The following FGFR2 variants were observed in gnomAD, a reference collection of about 807,000 sequenced individuals.
FGFR2 encodes fibroblast growth factor receptor 2, also known as BEK fibroblast growth factor receptor.
Under a neutral mutation model 95.9 loss-of-function variants are expected in FGFR2, and 19 were observed. The observed-to-expected ratio is 0.20, with a 90% CI of 0.14 to 0.29. FGFR2 has a LOEUF of 0.29. FGFR2 is among the 10% of genes least tolerant of loss of function. The pLI is 1.00. For missense variants in FGFR2, 707 were observed against 1,056.9 expected, an observed-to-expected ratio of 0.67 and a Z score of 4.59; for synonymous variants, 392 against 393.3, an observed-to-expected ratio of 1.00 and a Z score of 0.04.
Position 121,479,978 on chromosome 10 carries a change from C to G in FGFR2, c.2345G>C (p.Ser782Thr), listed in dbSNP as rs2133684009. 6.2e-7 allele frequency: 1 copy of G among 1,614,156 alleles called. No homozygotes were observed. Among genetic ancestry groups the G allele is most frequent in the Non-Finnish European group, 8.5e-7 (1 of 1,180,046 alleles). Residue 782 changes from serine to threonine, a missense_variant, in exon 18 of 18, where the codon AGT becomes ACT. Ser to Thr is a moderately conservative substitution (Grantham distance 58, BLOSUM62 1). This residue lies in a region of FGFR2 where 51 missense variants were observed against 50.2 expected (regional missense o/e 1.01). Coordinates refer to ENST00000358487, the MANE Select transcript of FGFR2 (RefSeq NM_000141.5). ...LSQPLEQYSP[S>T]YPDTRSSCSS... The stretch of plus-strand genomic sequence containing the variant: ...ACAAGAACTTCTTGTGTCAGGGTAA[C>G]TAGGTGAATACTGTTCGAGAGGTTG...
intron 12 of FGFR2, among the ~76,000 whole-genome samples, chr10:121,497,003 C>A (rs1014394041): frequency 5.9e-5 from 9 of 151,302 alleles, no homozygotes; most frequent in African/African-American, 2.2e-4. Flanking sequence ...TGGTGACACA[C>A]ACCTATAGTC....
rs1054236190 is a variant in FGFR2 at position 121,531,846 on chromosome 10, A to G, written c.748+6746T>C. On this transcript the variant is annotated intron_variant, in intron 6 of 17. Coordinates refer to ENST00000358487, the MANE Select transcript of FGFR2 (RefSeq NM_000141.5). The surrounding 1 kb of genome is among the most constrained non-coding windows in gnomAD (Gnocchi z 4.5). ...GGGTTGTCTGTGACAGCGATGGTTTATAAGAACAGGATGAGATGGCTGCTG... is the reference window on the plus strand; with the variant it reads ...GGGTTGTCTGTGACAGCGATGGTTTGTAAGAACAGGATGAGATGGCTGCTG... Among the ~76,000 whole-genome samples the G allele has an allele frequency of 3.9e-5, 6 of 152,204 alleles. No individual in the cohort carries two copies. Among genetic ancestry groups the G allele is most frequent in the Non-Finnish European group, 8.8e-5 (6 of 68,034 alleles).
At chr10:121,494,772 G>T (rs1846557964) in intron 13 of FGFR2, among the ~76,000 whole-genome samples, 1 of 152,120 alleles carries the variant, frequency 6.6e-6, no homozygotes, top group Non-Finnish European at 1.5e-5. Flanking sequence ...AAACTGAGCT[G>T]CAGGCATCAC....
At chr10:121,498,118 C>T (rs1847119663) in intron 12 of FGFR2, among the ~76,000 whole-genome samples, 1 of 152,214 alleles carries the variant, frequency 6.6e-6, no homozygotes, top group African/African-American at 2.4e-5. Context: ...TCTTCAATCC[C>T]TGTTTTAAGG....
intron 4 of FGFR2, among the ~76,000 whole-genome samples, chr10:121,559,977 C>T (rs1856715217): frequency 6.6e-6 from 1 of 152,180 alleles, no homozygotes; most frequent in South Asian, 2.1e-4. Flanking sequence ...CAACGCAGTT[C>T]CCCAGGCATC....
At chr10:121,522,170 A>C (rs2068203504) in intron 6 of FGFR2, among the ~76,000 whole-genome samples, 1 of 152,192 alleles carries the variant, frequency 6.6e-6, no homozygotes, top group Non-Finnish European at 1.5e-5. Flanking sequence ...AAGAGGCATA[A>C]AGTTTCAGTA....
rs1374607221 is a variant in FGFR2 at position 121,479,313 on chromosome 10, G to C, written c.*544C>G. 1 of 260,416 alleles carries C rather than the reference G, an allele frequency of 3.8e-6. No homozygotes were observed. Among genetic ancestry groups the C allele is most frequent in the African/African-American group, 2.2e-5 (1 of 45,828 alleles). 16.1% of individuals were successfully genotyped at this position (260,416 alleles called of 1,614,324 possible). On this transcript the variant is annotated 3_prime_UTR_variant, in exon 18 of 18. Coordinates refer to ENST00000358487, the MANE Select transcript of FGFR2 (RefSeq NM_000141.5). ...TCCACCTCTGCTCGGTGAAAATTAAGAAATTATGTGTAAGAACAGCATTTA... is the reference window on the plus strand; with the variant it reads ...TCCACCTCTGCTCGGTGAAAATTAACAAATTATGTGTAAGAACAGCATTTA...
At chr10:121,489,102 T>TG (rs1208496399) in intron 13 of FGFR2, among the ~76,000 whole-genome samples, 5 of 152,136 alleles carry the variant, frequency 3.3e-5, no homozygotes, top group Admixed American at 3.3e-4. Flanking sequence ...CATGGAGTCT[T>TG]GTCCTTGTCG....
At chr10:121,492,461 T>A (rs1045871785) in intron 13 of FGFR2, among the ~76,000 whole-genome samples, 1 of 152,126 alleles carries the variant, frequency 6.6e-6, no homozygotes, top group South Asian at 2.1e-4. Flanking sequence ...GGCCAGGCAC[T>A]GTGTGTTCAT....
chr10:121,557,875 G>A (rs193010495), intron 4 of FGFR2, among the ~76,000 whole-genome samples: 13 of 152,000 alleles, frequency 8.6e-5, no homozygotes, highest in Non-Finnish European at 1.6e-4. Context: ...ATTTTCCCTA[G>A]GTACTTCCAA....
At chr10:121,590,407 A>G (rs1365878614) in intron 2 of FGFR2, among the ~76,000 whole-genome samples, 1 of 152,210 alleles carries the variant, frequency 6.6e-6, no homozygotes, top group Admixed American at 6.5e-5. Flanking sequence ...GTTAATCAAC[A>G]GAATAGTACT....
chr10:121,554,537 G>A (rs1222338301), intron 4 of FGFR2, among the ~76,000 whole-genome samples: 1 of 138,436 alleles, frequency 7.2e-6, no homozygotes, highest in African/African-American at 2.8e-5. Context: ...ATTTTTAGTA[G>A]AGACAGGGTT....
At chr10:121,499,080 A>T (rs1847255583) in intron 11 of FGFR2, among the ~76,000 whole-genome samples, 1 of 152,164 alleles carries the variant, frequency 6.6e-6, no homozygotes, top group African/African-American at 2.4e-5. Flanking sequence ...GGTTCCCCAT[A>T]AACAGGGCCA....
rs771030500 is a variant in FGFR2 at position 121,487,458 on chromosome 10, A to G, written c.1987-34T>C. On this transcript the variant is annotated intron_variant, in intron 14 of 17. Coordinates refer to ENST00000358487, the MANE Select transcript of FGFR2 (RefSeq NM_000141.5). ...GTAGAGGAAAATGCAAAAACTAAATATATTTAAAAGAATTTATCTTAGCAG... is the reference window on the plus strand; with the variant it reads ...GTAGAGGAAAATGCAAAAACTAAATGTATTTAAAAGAATTTATCTTAGCAG... 6 of 1,567,726 alleles carry G rather than the reference A, an allele frequency of 3.8e-6. No individual in the cohort carries two copies. In the African/African-American group the frequency reaches 8.1e-5, roughly 21 times the overall value.
intron 2 of FGFR2, among the ~76,000 whole-genome samples, chr10:121,573,572 G>A (rs994776454): frequency 2.6e-5 from 4 of 152,034 alleles, no homozygotes; most frequent in African/African-American, 9.7e-5. Context: ...AAAAGGAGAG[G>A]AGAGACGGAG....
chr10:121,498,740 C>T, intron 11 of FGFR2, 135 bp from the exon 12 acceptor site: 1 of 787,232 alleles, frequency 1.3e-6, no homozygotes, highest in Admixed American at 2.0e-5. Context: ...CAAATCATCT[C>T]CCTCATTTTA....
intron 6 of FGFR2, chr10:121,526,935 C>T (rs1851455162): frequency 5.1e-6 from 2 of 394,302 alleles, no homozygotes; most frequent in South Asian, 2.9e-4. Context: ...ACACACGTCT[C>T]TTTGCAGAGA....
rs1054644046 is a variant in FGFR2 at position 121,485,303 on chromosome 10, C to T, written c.2195+92G>A. On this transcript the variant is annotated intron_variant, in intron 16 of 17. Coordinates refer to ENST00000358487, the MANE Select transcript of FGFR2 (RefSeq NM_000141.5). The surrounding 1 kb of genome is among the most constrained non-coding windows in gnomAD (Gnocchi z 4.2). ...TTCTTCTTAGAGCATGTTTAGGAAACCAGGGGCCTTCAAAAACGAGATACA... is the reference window on the plus strand; with the variant it reads ...TTCTTCTTAGAGCATGTTTAGGAAATCAGGGGCCTTCAAAAACGAGATACA... 7.7e-6 allele frequency: 12 copies of T among 1,566,230 alleles called. No homozygotes were observed. Among genetic ancestry groups the T allele is most frequent in the Non-Finnish European group, 1.1e-5 (12 of 1,138,752 alleles).
chr10:121,506,767 T>G (rs1221563775), intron 9 of FGFR2, among the ~76,000 whole-genome samples: 1 of 152,214 alleles, frequency 6.6e-6, no homozygotes, highest in African/African-American at 2.4e-5. Context: ...AGTGATCACC[T>G]GTGGGCAGAG....
Sources: gnomAD v4.1 joint callset for allele counts (sites outside exome capture counted in the v4.1 genomes callset) on GRCh38, gnomAD v4.1.1 for gene constraint, gnomAD v4.1.1 regional missense constraint, Gnocchi (gnomAD v3.1) non-coding constraint, MANE v1.5 for transcripts, NCBI Gene and HGNC (gene_info 2026-07-23, HGNC 2026-07-21) for gene names.